Variants in GPC6 observed in about 807,000 individuals in gnomAD.
GPC6 encodes glypican 6.
In GPC6, 14 loss-of-function variants were observed where a neutral mutation model predicts 55.2. That is an observed-to-expected ratio of 0.25 (90% CI 0.17 to 0.40). The LOEUF is 0.40. GPC6 is among the 10% of genes least tolerant of loss of function. The pLI is 1.00. For synonymous variants in GPC6, 278 were observed against 259.6 expected (o/e 1.07, Z -0.68); for missense variants, 641 against 708.5 (o/e 0.90, Z 1.08).
At chr13:93,512,024 T>C (rs978441874) in intron 1 of GPC6, among the ~76,000 whole-genome samples, 2 of 152,132 alleles carry the variant, frequency 1.3e-5, no homozygotes, top group African/African-American at 4.8e-5. Context: ...TTTTTGTACA[T>C]TGCTTTTGTA....
chr13:94,201,336 G>A (rs1293576415), intron 4 of GPC6, among the ~76,000 whole-genome samples: 2 of 152,064 alleles, frequency 1.3e-5, no homozygotes, highest in Non-Finnish European at 2.9e-5. Context: ...CAGAGCCAGC[G>A]CTCTTGTGAT....
chr13:94,219,341 C>T (rs1431358844), intron 4 of GPC6, among the ~76,000 whole-genome samples: 2 of 152,288 alleles, frequency 1.3e-5, no homozygotes, highest in East Asian at 3.9e-4. Flanking sequence ...TTTTTAGGTA[C>T]TCAGTGCTAG....
At chr13:93,271,586 A>G (rs1168569776) in intron 1 of GPC6, among the ~76,000 whole-genome samples, 3 of 152,204 alleles carry the variant, frequency 2.0e-5, no homozygotes, top group Non-Finnish European at 2.9e-5. Flanking sequence ...AAGGGACTGT[A>G]TAAGTAAATA....
chr13:93,747,158 T>G (rs9516281), intron 2 of GPC6, among the ~76,000 whole-genome samples: 30,979 of 151,998 alleles, frequency 0.2, 3,584 homozygotes, highest in Middle Eastern at 0.36. Flanking sequence ...GTAAAGAAGT[T>G]GAGGCCAAAG....
At chr13:93,639,475 G>A (rs555705298) in intron 2 of GPC6, among the ~76,000 whole-genome samples, 2 of 152,138 alleles carry the variant, frequency 1.3e-5, no homozygotes, top group East Asian at 1.9e-4. Flanking sequence ...TGAGTATTCC[G>A]TGTTATCTGA....
At chr13:94,400,128 A>G (rs1216260869) in intron 8 of GPC6, among the ~76,000 whole-genome samples, 1 of 152,264 alleles carries the variant, frequency 6.6e-6, no homozygotes, top group Non-Finnish European at 1.5e-5. Context: ...AATAAAATCA[A>G]CAATTAAGAG....
At chr13:93,414,095 T>C (rs1242605202) in intron 1 of GPC6, among the ~76,000 whole-genome samples, 1 of 152,206 alleles carries the variant, frequency 6.6e-6, no homozygotes, top group Non-Finnish European at 1.5e-5. Context: ...ATGCTAATTA[T>C]AAACCATTCC....
intron 2 of GPC6, among the ~76,000 whole-genome samples, chr13:93,780,318 G>C (rs974171495): frequency 7.3e-5 from 11 of 151,690 alleles, no homozygotes; most frequent in Admixed American, 5.3e-4. Context: ...ATTGCCATAG[G>C]CTACACATAT....
At chr13:93,576,014 C>A (rs185477988) in intron 2 of GPC6, among the ~76,000 whole-genome samples, 48 of 152,104 alleles carry the variant, frequency 3.2e-4, no homozygotes, top group Admixed American at 2.2e-3. Context: ...CTTTTTCTTT[C>A]TTAATTATTA....
intron 1 of GPC6, among the ~76,000 whole-genome samples, chr13:93,228,856 A>T (rs1875913809): frequency 6.6e-6 from 1 of 152,172 alleles, no homozygotes; most frequent in Non-Finnish European, 1.5e-5. Context: ...CAGTTTCGAT[A>T]CGTTGAGGAA....
chr13:93,579,365 G>A (rs1240829312), intron 2 of GPC6, among the ~76,000 whole-genome samples: 3 of 151,856 alleles, frequency 2.0e-5, no homozygotes, highest in Non-Finnish European at 4.4e-5. Context: ...ATTGACATCT[G>A]TTATGTACCA....
intron 3 of GPC6, among the ~76,000 whole-genome samples, chr13:93,843,694 C>G (rs1888048486): frequency 6.6e-6 from 1 of 152,126 alleles, no homozygotes; most frequent in East Asian, 1.9e-4. Context: ...CAACCCTGAG[C>G]CGGCAATTGC....
intron 3 of GPC6, among the ~76,000 whole-genome samples, chr13:93,926,403 T>G (rs997701825): frequency 6.6e-6 from 1 of 152,202 alleles, no homozygotes; most frequent in Non-Finnish European, 1.5e-5. Context: ...TGTATATGGA[T>G]TAAAGGTAAT....
chr13:93,427,212 G>C (rs557290746), intron 1 of GPC6, among the ~76,000 whole-genome samples: 2 of 152,126 alleles, frequency 1.3e-5, no homozygotes, highest in South Asian at 4.2e-4. Context: ...TCTCCATCAA[G>C]CTACCAATGA....
intron 4 of GPC6, among the ~76,000 whole-genome samples, chr13:94,149,345 G>A (rs1887661006): frequency 6.6e-6 from 1 of 152,276 alleles, no homozygotes; most frequent in South Asian, 2.1e-4. Flanking sequence ...AGGAAAAGCT[G>A]TGAGAAAGGA....
chr13:93,972,780 A>G (rs1393882036), intron 3 of GPC6, among the ~76,000 whole-genome samples: 1 of 152,162 alleles, frequency 6.6e-6, no homozygotes, highest in Non-Finnish European at 1.5e-5. Context: ...ATGAGATGCA[A>G]ATTCCAGGTG....
At chr13:93,599,486 T>C (rs1877920855) in intron 2 of GPC6, among the ~76,000 whole-genome samples, 1 of 152,172 alleles carries the variant, frequency 6.6e-6, no homozygotes, top group Non-Finnish European at 1.5e-5. Flanking sequence ...GCTTACTCTT[T>C]ATGATCTGGC....
At chr13:94,197,661 A>G (rs1015327844) in intron 4 of GPC6, among the ~76,000 whole-genome samples, 4 of 152,136 alleles carry the variant, frequency 2.6e-5, no homozygotes, top group Non-Finnish European at 5.9e-5. Flanking sequence ...ATACAGTCAG[A>G]TTGAGGATTA....
At chr13:94,008,202 G>A (rs955669468) in intron 3 of GPC6, among the ~76,000 whole-genome samples, 1 of 152,052 alleles carries the variant, frequency 6.6e-6, no homozygotes. Context: ...TCTGAACTTT[G>A]TAATTGCACA....
Sources: gnomAD v4.1 joint callset for allele counts (sites outside exome capture counted in the v4.1 genomes callset) on GRCh38, gnomAD v4.1.1 for gene constraint, MANE v1.5 for transcripts, NCBI Gene and HGNC (gene_info 2026-07-23, HGNC 2026-07-21) for gene names.